Variants in DLG2 observed in about 807,000 individuals in gnomAD.
DLG2 encodes disks large homolog 2.
A neutral mutation model predicts 132.5 loss-of-function variants in DLG2; 45 were observed. The observed-to-expected ratio is 0.34, with a 90% CI of 0.27 to 0.44. The LOEUF (loss-of-function observed/expected upper bound fraction) is 0.44, where lower values mean the gene tolerates loss of function less well. Among genes scored for constraint, DLG2 ranks in the 20% least tolerant of loss-of-function variants. The probability of loss-of-function intolerance (pLI) is 1.00; values close to 1 mark genes in which losing one functional copy is unlikely to be tolerated. For missense variants in DLG2, 1,045 were observed against 1,196.9 expected (o/e 0.87, Z 1.87); for synonymous variants, 424 against 419.6 (o/e 1.01, Z -0.13).
intron 15 of DLG2, among the ~76,000 whole-genome samples, chr11:83,920,799 A>G (rs950532973): frequency 1.3e-5 from 2 of 152,142 alleles, no homozygotes. Context: ...TGTGGAGGCA[A>G]AATTCAAACT....
chr11:85,388,116 G>T (rs1330595030), intron 3 of DLG2, among the ~76,000 whole-genome samples: 1 of 152,184 alleles, frequency 6.6e-6, no homozygotes, highest in Non-Finnish European at 1.5e-5. Context: ...GGGGGCCACA[G>T]TGGGAGTGAG....
At chr11:85,444,621 C>T (rs993711314) in intron 3 of DLG2, among the ~76,000 whole-genome samples, 2 of 152,208 alleles carry the variant, frequency 1.3e-5, no homozygotes, top group African/African-American at 4.8e-5. Flanking sequence ...AACATGCATG[C>T]CCTCGACAAG....
At chr11:83,635,952 G>C (rs1351724071) in intron 18 of DLG2, among the ~76,000 whole-genome samples, 1 of 152,056 alleles carries the variant, frequency 6.6e-6, no homozygotes, top group African/African-American at 2.4e-5. Flanking sequence ...GAGAAGAAAA[G>C]GGCCTTGTCT....
At chr11:84,807,676 A>T (rs2076149617) in intron 6 of DLG2, among the ~76,000 whole-genome samples, 1 of 152,208 alleles carries the variant, frequency 6.6e-6, no homozygotes, top group Admixed American at 6.5e-5. Context: ...TATCAGGTAA[A>T]TATCAATATT....
chr11:84,559,065 G>A (rs114552902), intron 6 of DLG2, among the ~76,000 whole-genome samples: 1,935 of 152,154 alleles, frequency 0.013, 39 homozygotes, highest in African/African-American at 0.045. Context: ...ACCATTCCAC[G>A]CCTGGCAGCT....
chr11:85,015,403 A>G (rs11234266), intron 6 of DLG2, among the ~76,000 whole-genome samples: 14,801 of 113,444 alleles, frequency 0.13, 1,014 homozygotes, highest in South Asian at 0.21. Flanking sequence ...GAGATTAGCC[A>G]GTGTTATTTA....
intron 7 of DLG2, among the ~76,000 whole-genome samples, chr11:84,369,161 T>G (rs1055135911): frequency 6.6e-6 from 1 of 152,120 alleles, no homozygotes; most frequent in Non-Finnish European, 1.5e-5. Flanking sequence ...TTAGATAAGT[T>G]TATTTAAATA....
chr11:84,090,220 C>G (rs2097065511), intron 10 of DLG2, among the ~76,000 whole-genome samples: 1 of 151,930 alleles, frequency 6.6e-6, no homozygotes, highest in African/African-American at 2.4e-5. Context: ...TCAAGACCAG[C>G]CTGGCCAACA....
At chr11:84,615,615 T>C (rs1187982420) in intron 6 of DLG2, among the ~76,000 whole-genome samples, 2 of 151,840 alleles carry the variant, frequency 1.3e-5, no homozygotes, top group African/African-American at 4.8e-5. Flanking sequence ...GCATATACTC[T>C]TCTAGTATCA....
intron 3 of DLG2, among the ~76,000 whole-genome samples, chr11:85,563,133 C>G (rs1052522140): frequency 1.1e-4 from 16 of 151,738 alleles, no homozygotes; most frequent in Admixed American, 6.6e-4. Context: ...ATCCCATTCT[C>G]TCTCGCTTAC....
intron 6 of DLG2, among the ~76,000 whole-genome samples, chr11:84,981,404 G>A (rs897194696): frequency 6.6e-6 from 1 of 152,108 alleles, no homozygotes; most frequent in African/African-American, 2.4e-5. Flanking sequence ...GGGGCTATAG[G>A]AAGCAGTGTT....
At chr11:84,436,607 C>T (rs2099001562) in intron 7 of DLG2, among the ~76,000 whole-genome samples, 1 of 152,178 alleles carries the variant, frequency 6.6e-6, no homozygotes, top group South Asian at 2.1e-4. Context: ...ACAGTTTGGA[C>T]AGTGCCCCAG....
intron 19 of DLG2, among the ~76,000 whole-genome samples, chr11:83,579,738 A>C (rs1214888720): frequency 2.6e-5 from 4 of 152,148 alleles, no homozygotes; most frequent in African/African-American, 9.7e-5. Flanking sequence ...TGGGAGGCTG[A>C]GGCAGGCGGA....
At chr11:84,366,507 A>G (rs923829612) in intron 7 of DLG2, among the ~76,000 whole-genome samples, 1 of 152,154 alleles carries the variant, frequency 6.6e-6, no homozygotes, top group Non-Finnish European at 1.5e-5. Context: ...CAATTAAAAG[A>G]CACAGACTGG....
At chr11:84,765,937 G>A (rs565986375) in intron 6 of DLG2, among the ~76,000 whole-genome samples, 6 of 151,744 alleles carry the variant, frequency 4.0e-5, no homozygotes, top group South Asian at 2.1e-4. Context: ...CCCACAAGAC[G>A]GTATTCATTC....
At chr11:84,220,308 C>G (rs948476820) in intron 8 of DLG2, among the ~76,000 whole-genome samples, 2 of 152,190 alleles carry the variant, frequency 1.3e-5, no homozygotes, top group African/African-American at 4.8e-5. Flanking sequence ...CTCACAGAAC[C>G]TGGAGCTGCA....
At chr11:84,406,864 G>T (rs504196) in intron 7 of DLG2, among the ~76,000 whole-genome samples, 51,980 of 152,106 alleles carry the variant, frequency 0.34, 14,343 homozygotes, top group African/African-American at 0.77. Flanking sequence ...TCAATGAAAT[G>T]GACAGGGACA....
At chr11:84,578,276 A>G (rs1030388911) in intron 6 of DLG2, among the ~76,000 whole-genome samples, 4 of 152,110 alleles carry the variant, frequency 2.6e-5, no homozygotes, top group African/African-American at 9.7e-5. Context: ...GGAGCTGTGC[A>G]AAGAGGGCCA....
chr11:84,390,361 T>A (rs1199490678), intron 7 of DLG2, among the ~76,000 whole-genome samples: 1 of 152,186 alleles, frequency 6.6e-6, no homozygotes, highest in African/African-American at 2.4e-5. Flanking sequence ...TAAAATGTAA[T>A]GACTACCACC....
Sources: allele counts gnomAD v4.1 joint callset (sites outside exome capture counted in the v4.1 genomes callset), GRCh38; gene constraint gnomAD v4.1.1; transcripts MANE v1.5; gene names NCBI Gene and HGNC (gene_info 2026-07-23, HGNC 2026-07-21).